RSRC1: variants seen among roughly 807,000 people sequenced by gnomAD.
RSRC1 encodes arginine and serine rich coiled-coil 1, also known as serine/Arginine-related protein 53.
Under a neutral mutation model 49.1 loss-of-function variants are expected in RSRC1, and 39 were observed. That is an observed-to-expected ratio of 0.79 (90% confidence interval 0.61 to 1.04). The LOEUF is 1.04. Ranked by LOEUF, RSRC1 falls within the 50% of genes least tolerant of loss-of-function variation. The pLI is 0.00. For synonymous variants in RSRC1, 143 were observed against 130.8 expected, an observed-to-expected ratio of 1.09 and a Z score of -0.63; for missense variants, 388 against 402.4, an observed-to-expected ratio of 0.96 and a Z score of 0.31.
chr3:158,530,601 G>C (rs1478447688), intron 7 of RSRC1, among the ~76,000 whole-genome samples: 1 of 151,812 alleles, frequency 6.6e-6, no homozygotes, highest in African/African-American at 2.4e-5. Flanking sequence ...TTTGAAAAGA[G>C]AGGGATGGAG....
chr3:158,258,338 G>A (rs1439685991), intron 4 of RSRC1, among the ~76,000 whole-genome samples: 1 of 136,288 alleles, frequency 7.3e-6, no homozygotes, highest in African/African-American at 2.7e-5. Flanking sequence ...TAGGATAAAA[G>A]TTTTTTTTTT....
chr3:158,248,248 A>G (rs571839744), intron 4 of RSRC1, among the ~76,000 whole-genome samples: 4 of 152,344 alleles, frequency 2.6e-5, no homozygotes, highest in South Asian at 2.1e-4. Context: ...CTAAAGGCCT[A>G]GTACCACTGT....
chr3:158,414,793 C>A (rs1443138093), intron 6 of RSRC1, among the ~76,000 whole-genome samples: 2 of 151,982 alleles, frequency 1.3e-5, no homozygotes, highest in African/African-American at 4.8e-5. Flanking sequence ...AACACTCTTA[C>A]AATTAATTCT....
chr3:158,382,185 A>G (rs971925014), intron 6 of RSRC1, among the ~76,000 whole-genome samples: 6 of 152,114 alleles, frequency 3.9e-5, no homozygotes, highest in East Asian at 1.9e-4. Flanking sequence ...TCCCATCTCC[A>G]TATCTTGTCC....
At chr3:158,366,450 T>A (rs184281263) in intron 6 of RSRC1, among the ~76,000 whole-genome samples, 139 of 152,308 alleles carry the variant, frequency 9.1e-4, no homozygotes, top group African/African-American at 3.2e-3. Flanking sequence ...AAATATCAGA[T>A]GGTTGTAGAT....
chr3:158,450,485 A>G (rs1446155215), intron 6 of RSRC1, among the ~76,000 whole-genome samples: 2 of 151,932 alleles, frequency 1.3e-5, no homozygotes, highest in Admixed American at 6.6e-5. Context: ...AATATTGGAC[A>G]TGACTAAACA....
chr3:158,144,587 G>A (rs544005036), intron 3 of RSRC1, among the ~76,000 whole-genome samples: 100 of 152,226 alleles, frequency 6.6e-4, no homozygotes, highest in African/African-American at 1.6e-3. Flanking sequence ...TAGTGCCGCA[G>A]TAAACATACA....
intron 7 of RSRC1, among the ~76,000 whole-genome samples, chr3:158,514,022 T>C (rs1264705525): frequency 6.6e-6 from 1 of 152,190 alleles, no homozygotes; most frequent in Non-Finnish European, 1.5e-5. Context: ...TCTTTATTAG[T>C]CTTGCTAGCG....
chr3:158,308,576 G>A (rs1727964453), intron 5 of RSRC1, among the ~76,000 whole-genome samples: 1 of 151,810 alleles, frequency 6.6e-6, no homozygotes, highest in African/African-American at 2.4e-5. Context: ...TATTCATCCT[G>A]CTTTCTGAGT....
intron 4 of RSRC1, among the ~76,000 whole-genome samples, chr3:158,223,377 G>C (rs1419123002): frequency 6.6e-6 from 1 of 151,580 alleles, no homozygotes; most frequent in Non-Finnish European, 1.5e-5. Flanking sequence ...AGGCTTTTCA[G>C]GCTGAGAGGC....
intron 7 of RSRC1, among the ~76,000 whole-genome samples, chr3:158,504,462 A>G (rs1739761687): frequency 1.3e-5 from 2 of 152,356 alleles, no homozygotes; most frequent in Admixed American, 6.5e-5. Context: ...TTAAGGTAAT[A>G]TGCAGTGAAA....
rs371509777 is a variant in RSRC1, at chr3:158,219,137, A to G, written c.494+15892A>G. On this transcript the variant is annotated intron_variant, in intron 4 of 9. Coordinates refer to ENST00000611884, the MANE Select transcript of RSRC1 (RefSeq NM_001271838.2). The stretch of plus-strand genomic sequence containing the variant: ...GAGGAAGTGAGAAGGAAAGGGAAAA[A>G]CAGAAGGATTAAAAGGAGAGGGATT... Among the ~76,000 whole-genome samples the G allele has an allele frequency of 3.3e-5, 5 of 151,766 alleles. No individual in the cohort carries two copies. The South Asian group carries it at 8.3e-4, about 25-fold the overall frequency.
At chr3:158,465,238 C>T (rs1737824784) in intron 7 of RSRC1, among the ~76,000 whole-genome samples, 1 of 152,118 alleles carries the variant, frequency 6.6e-6, no homozygotes, top group Non-Finnish European at 1.5e-5. Context: ...ATAGTGTGTC[C>T]TCCACACCTA....
chr3:158,225,392 A>T (rs1261650945), intron 4 of RSRC1, among the ~76,000 whole-genome samples: 1 of 151,886 alleles, frequency 6.6e-6, no homozygotes, highest in African/African-American at 2.4e-5. Flanking sequence ...CAGTAAATAC[A>T]AGGAATTTTC....
At chr3:158,531,250 G>T (rs1016692828) in intron 7 of RSRC1, among the ~76,000 whole-genome samples, 3 of 151,772 alleles carry the variant, frequency 2.0e-5, no homozygotes, top group Admixed American at 2.0e-4. Flanking sequence ...CTCACAGGTG[G>T]CAAGGTGTGG....
chr3:158,391,934 G>C (rs947878367), intron 6 of RSRC1, among the ~76,000 whole-genome samples: 2 of 152,082 alleles, frequency 1.3e-5, no homozygotes, highest in Admixed American at 6.6e-5. Context: ...AGCACAGCTA[G>C]AGTGAAATAA....
chr3:158,450,789 C>T (rs934075611), intron 6 of RSRC1, among the ~76,000 whole-genome samples: 2 of 151,604 alleles, frequency 1.3e-5, no homozygotes, highest in African/African-American at 4.8e-5. Flanking sequence ...CCTTAAACAC[C>T]GTGGCCTATT....
chr3:158,196,760 A>G (rs1460616553), intron 3 of RSRC1, among the ~76,000 whole-genome samples: 1 of 152,126 alleles, frequency 6.6e-6, no homozygotes, highest in East Asian at 1.9e-4. Flanking sequence ...TGAGATAATC[A>G]TGTGGTTTTT....
intron 1 of RSRC1, among the ~76,000 whole-genome samples, chr3:158,111,548 T>G (rs1007867245): frequency 3.3e-5 from 5 of 152,236 alleles, no homozygotes; most frequent in African/African-American, 1.2e-4. Context: ...TGCAAGTTTT[T>G]AATTGTGATG....
Sources: allele counts gnomAD v4.1 joint callset (sites outside exome capture counted in the v4.1 genomes callset), GRCh38; gene constraint gnomAD v4.1.1; transcripts MANE v1.5; gene names NCBI Gene and HGNC (gene_info 2026-07-23, HGNC 2026-07-21).